Variants in TMEM154 observed in about 807,000 individuals in gnomAD.
The protein encoded by TMEM154 is transmembrane protein 154.
A neutral mutation model predicts 24.5 loss-of-function variants in TMEM154; 27 were observed. The observed-to-expected ratio is 1.10, with a 90% CI of 0.81 to 1.52. The LOEUF (loss-of-function observed/expected upper bound fraction) is 1.52, where lower values mean the gene tolerates loss of function less well. Ranked by LOEUF, TMEM154 falls within the 40% of genes most tolerant of loss-of-function variation. The probability of loss-of-function intolerance (pLI) is 0.00; values close to 1 mark genes in which losing one functional copy is unlikely to be tolerated. For synonymous variants in TMEM154, 67 were observed against 76.8 expected, an observed-to-expected ratio of 0.87 and a Z score of 0.67; for missense variants, 228 against 213.4, an observed-to-expected ratio of 1.07 and a Z score of -0.43.
intron 6 of TMEM154, among the ~76,000 whole-genome samples, chr4:152,637,713 A>C (rs1367137590): frequency 2.6e-5 from 4 of 152,248 alleles, no homozygotes; most frequent in Admixed American, 1.3e-4. Flanking sequence ...ACAAACAAGC[A>C]TTCAAATTAG....
chr4:152,628,600 A>AAAAAAAAACACAC (rs1561042688), intron 6 of TMEM154, 39 bp from the exon 7 acceptor site: 3 of 989,750 alleles, frequency 3.0e-6, no homozygotes, highest in African/African-American at 2.0e-5. Flanking sequence ...AAACAAAAAA[A>AAAAAAAAACACAC]ACACACACAC....
At chr4:152,677,241 G>A (rs2149792466) in intron 1 of TMEM154, among the ~76,000 whole-genome samples, 1 of 152,302 alleles carries the variant, frequency 6.6e-6, no homozygotes, top group Middle Eastern at 3.4e-3. Flanking sequence ...TTCTATGTCA[G>A]GCTATCTATC....
chr4:152,644,450 G>C lies in TMEM154; in HGVS notation c.365-8C>G, dbSNP rs1057479792. On this transcript the variant is annotated splice_polypyrimidine_tract_variant and splice_region_variant and intron_variant, in intron 3 of 6. Coordinates refer to ENST00000304385, the MANE Select transcript of TMEM154 (RefSeq NM_152680.3). ...TTTCACTTCCCAGTTCATCTAAAAG[G>C]AAATGAACATAAAGGTCATGTTAGC... 10 of 1,614,006 alleles carry C rather than the reference G, an allele frequency of 6.2e-6. No homozygotes were observed. The highest frequency in any genetic ancestry group is 8.5e-6 in the Non-Finnish European group (10 of 1,179,890).
In TMEM154 at chr4:152,634,675, G is replaced by C. The variant is rs530015147; in HGVS notation, c.537-6114C>G. Among the ~76,000 whole-genome samples, 6 of 152,266 alleles carry C rather than the reference G, an allele frequency of 3.9e-5. No homozygotes were observed. In the South Asian group the frequency reaches 1.2e-3, roughly 32 times the overall value. On this transcript the variant is annotated intron_variant, in intron 6 of 6. Coordinates refer to ENST00000304385, the MANE Select transcript of TMEM154 (RefSeq NM_152680.3). ...CACATACATGCACACACACACGTGC[G>C]CACGTGCATCTGTGTTTTAATAATA...
chr4:152,672,254 T>C (rs1728857293), intron 1 of TMEM154, among the ~76,000 whole-genome samples: 3 of 151,348 alleles, frequency 2.0e-5, no homozygotes, highest in Admixed American at 1.3e-4. Flanking sequence ...GTGAAACCCT[T>C]AAGAAAAAAA....
Position 152,652,683 on chromosome 4 carries a change from T to C in TMEM154, c.309A>G (p.Arg103=). 1 of 1,613,350 alleles carries C rather than the reference T, an allele frequency of 6.2e-7. No homozygotes were observed. Among genetic ancestry groups the C allele is most frequent in the South Asian group, 1.1e-5 (1 of 90,938 alleles). ...SVVFLATYYK[R]KRTKQEPSSQ... ...AATATTTACCTTGTTTAGTTCTTTT[T>C]CTTTTATAGTATGTTGCAAGGAATA... The change falls in exon 2 of 7, where the codon AGA becomes AGG. Residue 103 remains arginine (R), a synonymous_variant. Coordinates refer to ENST00000304385, the MANE Select transcript of TMEM154 (RefSeq NM_152680.3).
intron 1 of TMEM154, among the ~76,000 whole-genome samples, chr4:152,657,271 T>C (rs1184706993): frequency 1.3e-5 from 2 of 151,274 alleles, no homozygotes; most frequent in Non-Finnish European, 2.9e-5. Flanking sequence ...CCCAGCACTT[T>C]GGGAGGACAA....
At chr4:152,661,524 C>T (rs1011620614) in intron 1 of TMEM154, among the ~76,000 whole-genome samples, 1 of 152,074 alleles carries the variant, frequency 6.6e-6, no homozygotes, top group Admixed American at 6.6e-5. Flanking sequence ...CCCTGGGGTG[C>T]AATCCTGTCA....
chr4:152,631,360 G>C (rs1329043132), intron 6 of TMEM154, among the ~76,000 whole-genome samples: 1 of 152,108 alleles, frequency 6.6e-6, no homozygotes, highest in African/African-American at 2.4e-5. Flanking sequence ...CTTTTACAAA[G>C]CTTAGTTGGT....
chr4:152,629,689 C>T (rs1751995901), intron 6 of TMEM154, among the ~76,000 whole-genome samples: 1 of 152,172 alleles, frequency 6.6e-6, no homozygotes, highest in Non-Finnish European at 1.5e-5. Context: ...ATCTCCCTCG[C>T]TCATAGATGT....
At chr4:152,668,556 A>G (rs905350973) in intron 1 of TMEM154, 13 of 152,188 alleles carry the variant, frequency 8.5e-5, no homozygotes, top group Admixed American at 7.2e-4. Context: ...CATGGGGTAC[A>G]TGCGCATCCC....
chr4:152,670,901 C>T (rs1315607268), intron 1 of TMEM154, among the ~76,000 whole-genome samples: 1 of 152,280 alleles, frequency 6.6e-6, no homozygotes, highest in African/African-American at 2.4e-5. Flanking sequence ...ATGAGACCAG[C>T]TTCTGCCTCC....
chr4:152,641,833 A>C (rs1287381087), intron 5 of TMEM154, among the ~76,000 whole-genome samples: 1 of 149,812 alleles, frequency 6.7e-6, no homozygotes, highest in Non-Finnish European at 1.5e-5. Context: ...AAACTGTTAG[A>C]AATTGTACAA....
rs1455795664 is a variant in TMEM154 at position 152,654,788 on chromosome 4, G to A, written c.65-1861C>T. On this transcript the variant is annotated intron_variant, in intron 1 of 6. Coordinates refer to ENST00000304385, the MANE Select transcript of TMEM154 (RefSeq NM_152680.3). Reference sequence around the variant, plus strand: ...CTTGAACTTCCCAGCCTCCAGAACTGTGAGAAATAAATGTCTGTTGTTTTA... The same window carrying A: ...CTTGAACTTCCCAGCCTCCAGAACTATGAGAAATAAATGTCTGTTGTTTTA... Among the ~76,000 whole-genome samples the A allele has an allele frequency of 2.6e-5, 4 of 152,224 alleles. No individual in the cohort carries two copies. In the East Asian group the frequency reaches 7.7e-4, roughly 29 times the overall value.
Position 152,621,305 on chromosome 4 carries a change from T to C in TMEM154, c.*7241A>G, listed in dbSNP as rs911611173. On this transcript the variant is annotated 3_prime_UTR_variant, in exon 7 of 7. Coordinates refer to ENST00000304385, the MANE Select transcript of TMEM154 (RefSeq NM_152680.3). ...GAAAGAAGCCCTGTACTAATGAAGG[T>C]GGGGAAGAGTTAGAAGGAACTTGTG... The C allele has an allele frequency of 1.3e-5, 2 of 152,186 alleles. No individual in the cohort carries two copies. Among genetic ancestry groups the C allele is most frequent in the Non-Finnish European group, 2.9e-5 (2 of 68,032 alleles). The allele number at this position is 152,186 out of a possible 1,614,324, so 9.4% of individuals were successfully genotyped here.
rs1375681725 is a variant in TMEM154, at chr4:152,621,795, GT to G, written c.*6750del. 1.3e-5 allele frequency: 2 copies of G among 151,888 alleles called. No homozygotes were observed. The highest frequency in any genetic ancestry group is 4.8e-5 in the African/African-American group (2 of 41,382). 9.4% of individuals were successfully genotyped at this position (151,888 alleles called of 1,614,324 possible). On this transcript the variant is annotated 3_prime_UTR_variant, in exon 7 of 7. Coordinates refer to ENST00000304385, the MANE Select transcript of TMEM154 (RefSeq NM_152680.3). ...AATCAGGAAAAAAAGAGGTTTTCTT[GT>G]GGATTTTTCCATTTTTACTAGAATT...
chr4:152,629,665 T>C (rs1442612531), intron 6 of TMEM154, among the ~76,000 whole-genome samples: 2 of 152,198 alleles, frequency 1.3e-5, no homozygotes, highest in African/African-American at 4.8e-5. Flanking sequence ...ATGATAATGA[T>C]CGACAGATCT....
intron 1 of TMEM154, among the ~76,000 whole-genome samples, chr4:152,662,359 A>G (rs1728629137): frequency 6.6e-6 from 1 of 152,210 alleles, no homozygotes; most frequent in Admixed American, 6.5e-5. Flanking sequence ...TGGGATGTCA[A>G]AGGGAGGAAA....
intron 3 of TMEM154, chr4:152,647,139 T>A: frequency 6.8e-7 from 1 of 1,480,372 alleles, no homozygotes; most frequent in Non-Finnish European, 9.0e-7. Flanking sequence ...CATTGTCAAA[T>A]TTAAAGACTT....
Sources: gnomAD v4.1 joint callset for allele counts (sites outside exome capture counted in the v4.1 genomes callset) on GRCh38, gnomAD v4.1.1 for gene constraint, MANE v1.5 for transcripts, NCBI Gene and HGNC (gene_info 2026-07-23, HGNC 2026-07-21) for gene names.